The following PDZRN4 variants were observed in gnomAD, a reference collection of about 807,000 sequenced individuals.
PDZRN4 encodes PDZ domain containing ring finger 4, also known as PDZ domain-containing RING finger protein 4.
PDZRN4 carries 70 observed loss-of-function variants against 99.0 expected under a neutral mutation model. The ratio of observed to expected loss-of-function variants is 0.71; its 90% CI spans 0.58 to 0.86. The LOEUF is 0.86. Ranked by LOEUF, PDZRN4 falls within the 40% of genes least tolerant of loss-of-function variation. PDZRN4 has a pLI of 0.00. For synonymous variants in PDZRN4, 551 were observed against 501.6 expected (o/e 1.10, Z -1.32); for missense variants, 1,474 against 1,331.2 (o/e 1.11, Z -1.67).
intron 3 of PDZRN4, among the ~76,000 whole-genome samples, chr12:41,340,879 C>T (rs1466976481): frequency 6.6e-6 from 1 of 151,766 alleles, no homozygotes; most frequent in Non-Finnish European, 1.5e-5. Flanking sequence ...GGCCATATTA[C>T]TCTTATTCCA....
chr12:41,513,397 G>GAA (rs1396987095), intron 5 of PDZRN4, among the ~76,000 whole-genome samples: 1 of 152,034 alleles, frequency 6.6e-6, no homozygotes, highest in East Asian at 1.9e-4. Context: ...TTGTGCTTCA[G>GAA]AAAAGTCTCA....
intron 3 of PDZRN4, among the ~76,000 whole-genome samples, chr12:41,477,112 C>T (rs1937611435): frequency 6.6e-6 from 1 of 152,198 alleles, no homozygotes; most frequent in African/African-American, 2.4e-5. Flanking sequence ...TTCCTCTACA[C>T]CTCCCATTAA....
chr12:41,294,745 A>T (rs187998535), intron 3 of PDZRN4, among the ~76,000 whole-genome samples: 1 of 152,314 alleles, frequency 6.6e-6, no homozygotes, highest in African/African-American at 2.4e-5. Context: ...GATTACAAAA[A>T]CAATTTTCTA....
chr12:41,327,202 T>G (rs1246286452), intron 3 of PDZRN4, among the ~76,000 whole-genome samples: 1 of 152,202 alleles, frequency 6.6e-6, no homozygotes, highest in Non-Finnish European at 1.5e-5. Flanking sequence ...TTATTTTTTT[T>G]ATTTCTCTCT....
At chr12:41,245,240 T>C (rs796330254) in intron 3 of PDZRN4, among the ~76,000 whole-genome samples, 2 of 152,296 alleles carry the variant, frequency 1.3e-5, no homozygotes, top group African/African-American at 4.8e-5. Flanking sequence ...GCCTGTTTTG[T>C]TCATGACATC....
chr12:41,456,044 C>A (rs1030293535), intron 3 of PDZRN4, among the ~76,000 whole-genome samples: 1 of 152,220 alleles, frequency 6.6e-6, no homozygotes, highest in African/African-American at 2.4e-5. Flanking sequence ...TTACCACCAA[C>A]CTTCTGGATT....
chr12:41,435,941 G>T (rs181206741), intron 3 of PDZRN4, among the ~76,000 whole-genome samples: 1 of 152,188 alleles, frequency 6.6e-6, no homozygotes, highest in Non-Finnish European at 1.5e-5. Context: ...CATGGGAAGT[G>T]ATATAGAGGC....
chr12:41,423,367 C>A (rs1475204029), intron 3 of PDZRN4, among the ~76,000 whole-genome samples: 1 of 151,992 alleles, frequency 6.6e-6, no homozygotes, highest in East Asian at 1.9e-4. Context: ...CATTGTTTAA[C>A]TCCCACTGAT....
intron 3 of PDZRN4, among the ~76,000 whole-genome samples, chr12:41,425,415 G>A (rs1952527267): frequency 6.6e-6 from 1 of 151,470 alleles, no homozygotes; most frequent in East Asian, 1.9e-4. Context: ...CAAATATATT[G>A]GCCTAGGAAA....
At chr12:41,369,370 G>A (rs2121075914) in intron 3 of PDZRN4, among the ~76,000 whole-genome samples, 1 of 152,182 alleles carries the variant, frequency 6.6e-6, no homozygotes, top group Non-Finnish European at 1.5e-5. Context: ...ATGTAGTCAA[G>A]TGGATATATG....
rs147508716 is a variant in PDZRN4 at position 41,250,539 on chromosome 12, T to A, written c.843+56351T>A. Among the ~76,000 whole-genome samples the A allele has an allele frequency of 1.4e-4, 21 of 152,362 alleles. 1 individual carries two copies. Among genetic ancestry groups the A allele is most frequent in the African/African-American group, 5.1e-4 (21 of 41,584 alleles). On this transcript the variant is annotated intron_variant, in intron 3 of 9. Coordinates refer to ENST00000402685, the MANE Select transcript of PDZRN4 (RefSeq NM_001164595.2). ...GCCTTTTAGTCCATCCCTAAATAAC[T>A]AAAAGTTCTGGGAATTTAACCATGC...
chr12:41,415,452 A>G (rs1194074443), intron 3 of PDZRN4, among the ~76,000 whole-genome samples: 1 of 151,556 alleles, frequency 6.6e-6, no homozygotes, highest in East Asian at 1.9e-4. Context: ...TTCCTCCTAG[A>G]GTATAGCAGT....
intron 3 of PDZRN4, among the ~76,000 whole-genome samples, chr12:41,326,831 A>G (rs1266472237): frequency 1.3e-5 from 2 of 152,214 alleles, no homozygotes; most frequent in African/African-American, 4.8e-5. Flanking sequence ...CTAAAGAAAA[A>G]GTAAAATATC....
At chr12:41,398,358 G>A (rs1030340534) in intron 3 of PDZRN4, among the ~76,000 whole-genome samples, 5 of 151,926 alleles carry the variant, frequency 3.3e-5, no homozygotes, top group African/African-American at 1.2e-4. Context: ...TAAGGAATGG[G>A]AAAGTGGGAC....
At chr12:41,411,166 G>T (rs1343011100) in intron 3 of PDZRN4, among the ~76,000 whole-genome samples, 1 of 151,830 alleles carries the variant, frequency 6.6e-6, no homozygotes, top group African/African-American at 2.4e-5. Context: ...CTCCCAAAGT[G>T]CTAGGATTAT....
chr12:41,522,604 C>G (rs1938511063), intron 5 of PDZRN4, among the ~76,000 whole-genome samples: 2 of 152,070 alleles, frequency 1.3e-5, no homozygotes, highest in South Asian at 4.1e-4. Context: ...CAATACTGGA[C>G]TGGCCGTTTT....
intron 3 of PDZRN4, among the ~76,000 whole-genome samples, chr12:41,447,143 A>G (rs185813042): frequency 2.0e-4 from 31 of 152,172 alleles, no homozygotes; most frequent in Admixed American, 1.2e-3. Flanking sequence ...TAATCATAGA[A>G]TATGTATAAA....
chr12:41,188,889 C>CG lies in PDZRN4; in HGVS notation c.435dup (p.Arg146AlafsTer76). The stretch of plus-strand genomic sequence containing the variant: ...CCCAGGGCTGGCCGGGGCGGGGGCG[C>CG]GCGCGGGGGGCCGCCGGGCGGCCGC... On this transcript the variant is annotated frameshift_variant, in exon 1 of 10. Coordinates refer to ENST00000402685, the MANE Select transcript of PDZRN4 (RefSeq NM_001164595.2). LOFTEE classifies it high-confidence loss of function. The CG allele has an allele frequency of 9.1e-7, 1 of 1,100,780 alleles. No individual in the cohort carries two copies. Among genetic ancestry groups the CG allele is most frequent in the East Asian group, 5.4e-5 (1 of 18,662 alleles). The allele number at this position is 1,100,780 out of a possible 1,614,324, so 68.2% of individuals were successfully genotyped here. A position where few individuals can be genotyped will look rare whatever the true frequency, so the allele number is the denominator to read the frequency against.
intron 9 of PDZRN4, among the ~76,000 whole-genome samples, chr12:41,568,229 C>A (rs565988117): frequency 6.6e-6 from 1 of 152,182 alleles, no homozygotes; most frequent in Non-Finnish European, 1.5e-5. Context: ...CAGCTGAAAA[C>A]AAACTGAGGT....
Sources: gnomAD v4.1 joint callset for allele counts (sites outside exome capture counted in the v4.1 genomes callset) on GRCh38, gnomAD v4.1.1 for gene constraint, MANE v1.5 for transcripts, NCBI Gene and HGNC (gene_info 2026-07-23, HGNC 2026-07-21) for gene names.